The following ROBO2 variants were observed in gnomAD, a reference collection of about 807,000 sequenced individuals.
ROBO2 encodes roundabout guidance receptor 2.
ROBO2 carries 53 observed loss-of-function variants against 160.8 expected under a neutral mutation model. The ratio of observed to expected loss-of-function variants is 0.33; its 90% CI spans 0.26 to 0.41. The LOEUF is 0.41. Among genes scored for constraint, ROBO2 ranks in the 10% least tolerant of loss-of-function variants. The pLI, the probability that ROBO2 is intolerant of heterozygous loss-of-function variation, is 1.00. For missense variants in ROBO2, 1,577 were observed against 1,722.4 expected (o/e 0.92, Z 1.49); for synonymous variants, 664 against 611.7 (o/e 1.09, Z -1.26).
chr3:76,533,511 T>C (rs2082335454), intron 2 of ROBO2, among the ~76,000 whole-genome samples: 2 of 152,138 alleles, frequency 1.3e-5, no homozygotes, highest in African/African-American at 4.8e-5. Flanking sequence ...ATTATAAAAA[T>C]AGAACTATAT....
At chr3:76,073,299 T>TTTTTC (rs2068529614) in intron 2 of ROBO2, among the ~76,000 whole-genome samples, 1 of 47,828 alleles carries the variant, frequency 2.1e-5, no homozygotes, top group Non-Finnish European at 3.5e-5. Context: ...TTTTTTTTTT[T>TTTTTC]TTTTTTTTTT....
intron 2 of ROBO2, among the ~76,000 whole-genome samples, chr3:76,296,744 A>G (rs1709095346): frequency 6.6e-6 from 1 of 152,202 alleles, no homozygotes; most frequent in African/African-American, 2.4e-5. Flanking sequence ...GGGGAACTGC[A>G]TATGGTGCCA....
At chr3:77,297,562 C>T (rs2062258563) in intron 2 of ROBO2, among the ~76,000 whole-genome samples, 1 of 152,094 alleles carries the variant, frequency 6.6e-6, no homozygotes, top group African/African-American at 2.4e-5. Context: ...TGAGGGAAAC[C>T]TTGCCTCCTC....
At chr3:77,506,098 C>T (rs1012974072) in intron 5 of ROBO2, among the ~76,000 whole-genome samples, 6 of 152,024 alleles carry the variant, frequency 3.9e-5, no homozygotes, top group African/African-American at 7.2e-5. Context: ...TGGATTCAAA[C>T]CTCAGGTCTC....
At chr3:77,507,053 A>T (rs2088642773) in intron 5 of ROBO2, among the ~76,000 whole-genome samples, 1 of 152,148 alleles carries the variant, frequency 6.6e-6, no homozygotes, top group African/African-American at 2.4e-5. Context: ...TGCACATCAG[A>T]TAGTTGCTGA....
intron 2 of ROBO2, among the ~76,000 whole-genome samples, chr3:75,996,927 G>A (rs1457574764): frequency 6.6e-6 from 1 of 152,060 alleles, no homozygotes; most frequent in African/African-American, 2.4e-5. Context: ...CGATTTCCTT[G>A]TATTATTAAG....
At chr3:76,542,894 C>G (rs2082894289) in intron 2 of ROBO2, among the ~76,000 whole-genome samples, 1 of 152,146 alleles carries the variant, frequency 6.6e-6, no homozygotes, top group Non-Finnish European at 1.5e-5. Context: ...TTCCTTACAG[C>G]ATTTAGTGCT....
At chr3:76,382,477 C>T (rs528028758) in intron 2 of ROBO2, among the ~76,000 whole-genome samples, 25 of 152,306 alleles carry the variant, frequency 1.6e-4, no homozygotes, top group Admixed American at 1.6e-3. Context: ...GTCCCAGCTA[C>T]TCGGGAGGCT....
At chr3:76,472,377 AAAAT>A (rs1315813616) in intron 2 of ROBO2, among the ~76,000 whole-genome samples, 68 of 152,274 alleles carry the variant, frequency 4.5e-4, no homozygotes, top group African/African-American at 1.3e-3. Context: ...AGTGAATTTG[AAAAT>A]AAATAATATT....
At chr3:76,816,342 T>G (rs2065663799) in intron 2 of ROBO2, among the ~76,000 whole-genome samples, 1 of 152,078 alleles carries the variant, frequency 6.6e-6, no homozygotes, top group Admixed American at 6.6e-5. Flanking sequence ...TCAAAGCGAA[T>G]GTACATGACA....
chr3:76,841,807 A>G (rs546489354), intron 2 of ROBO2, among the ~76,000 whole-genome samples: 182 of 152,322 alleles, frequency 1.2e-3, no homozygotes, highest in African/African-American at 4.2e-3. Flanking sequence ...AAGGAGAATT[A>G]AAAGTACTAT....
At chr3:75,924,833 C>A (rs1288813623) in intron 1 of ROBO2, among the ~76,000 whole-genome samples, 1 of 150,974 alleles carries the variant, frequency 6.6e-6, no homozygotes, top group Non-Finnish European at 1.5e-5. Flanking sequence ...GGACTACAGG[C>A]GCCTGCCACC....
chr3:77,158,866 A>G (rs63125063), intron 2 of ROBO2, among the ~76,000 whole-genome samples: 71,077 of 151,696 alleles, frequency 0.47, 17,028 homozygotes, highest in Middle Eastern at 0.61. Context: ...TTAGCGGCTG[A>G]TCACACTGAC....
intron 1 of ROBO2, among the ~76,000 whole-genome samples, chr3:77,059,625 A>C (rs1361721379): frequency 1.3e-5 from 2 of 152,108 alleles, no homozygotes; most frequent in Admixed American, 1.3e-4. Flanking sequence ...TGATGTGGGA[A>C]TTTAAATTGC....
chr3:77,384,544 G>T (rs534166964), intron 2 of ROBO2, among the ~76,000 whole-genome samples: 1 of 152,288 alleles, frequency 6.6e-6, no homozygotes, highest in East Asian at 1.9e-4. Context: ...CAGCCTTCTA[G>T]TCTCCTATTA....
intron 5 of ROBO2, among the ~76,000 whole-genome samples, chr3:77,508,662 A>T (rs2088933139): frequency 6.6e-6 from 1 of 151,772 alleles, no homozygotes; most frequent in African/African-American, 2.4e-5. Flanking sequence ...CATGTCAGTG[A>T]TTTAAAATAT....
intron 2 of ROBO2, among the ~76,000 whole-genome samples, chr3:76,857,466 A>G (rs944812092): frequency 6.6e-6 from 1 of 152,216 alleles, no homozygotes; most frequent in Non-Finnish European, 1.5e-5. Context: ...TTCCTAGCCT[A>G]TTATTGAACT....
chr3:76,846,914 CT>C (rs2068826897), intron 2 of ROBO2, among the ~76,000 whole-genome samples: 1 of 152,026 alleles, frequency 6.6e-6, no homozygotes, highest in Non-Finnish European at 1.5e-5. Flanking sequence ...CACATCTTTC[CT>C]GGAACTTAAT....
At chr3:77,103,916 G>A (rs958362221) in intron 2 of ROBO2, among the ~76,000 whole-genome samples, 1 of 152,112 alleles carries the variant, frequency 6.6e-6, no homozygotes, top group Non-Finnish European at 1.5e-5. Flanking sequence ...TAATAAATAT[G>A]TAAATGTTTG....
Sources: gnomAD v4.1 joint callset for allele counts (sites outside exome capture counted in the v4.1 genomes callset) on GRCh38, gnomAD v4.1.1 for gene constraint, MANE v1.5 for transcripts, NCBI Gene and HGNC (gene_info 2026-07-23, HGNC 2026-07-21) for gene names.